Variants in SNX14 observed in about 807,000 individuals in gnomAD.
The protein encoded by SNX14 is sorting nexin 14.
SNX14 carries 93 observed loss-of-function variants against 133.8 expected under a neutral mutation model. The ratio of observed to expected loss-of-function variants is 0.70; its 90% confidence interval spans 0.59 to 0.83. The LOEUF (loss-of-function observed/expected upper bound fraction) is 0.83. Among genes scored for constraint, SNX14 ranks in the 40% least tolerant of loss-of-function variants. The pLI is 0.00. For synonymous variants in SNX14, 368 were observed against 365.6 expected (o/e 1.01, Z -0.07); for missense variants, 945 against 1,094.9 (o/e 0.86, Z 1.93).
In SNX14 at chr6:85,514,071, T is replaced by C. The variant is rs1319401576; in HGVS notation, c.2556A>G (p.Arg852=). 1.2e-6 allele frequency: 2 copies of C among 1,607,474 alleles called. No homozygotes were observed. The highest frequency in any genetic ancestry group is 8.5e-7 in the Non-Finnish European group (1 of 1,178,136). ...HRLVSLITLL[R]DAIFCENTEP... ...ACAAACACATTAGAAAATACAAACCTCTGAGAAGTGTTATGAGTGAGACCA... is the reference window on the plus strand; with the variant it reads ...ACAAACACATTAGAAAATACAAACCCCTGAGAAGTGTTATGAGTGAGACCA... The change falls in exon 25 of 29, where the codon AGA becomes AGG. Residue 852 remains arginine (R), a splice_region_variant and synonymous_variant. Transcript: ENST00000314673.
chr6:85,514,501 C>T lies in SNX14; in HGVS notation c.2392+5G>A. ...AAAACAAGTCTTAAACCACTTAGATCTTACCTACATACATCAGGTAATCAT... is the reference window on the plus strand; with the variant it reads ...AAAACAAGTCTTAAACCACTTAGATTTTACCTACATACATCAGGTAATCAT... On this transcript the variant is annotated splice_donor_5th_base_variant and intron_variant, in intron 24 of 28. Coordinates refer to ENST00000314673, the MANE Select transcript of SNX14 (RefSeq NM_153816.6). The T allele has an allele frequency of 6.2e-7, 1 of 1,612,024 alleles. No homozygotes were observed. Among genetic ancestry groups the T allele is most frequent in the Non-Finnish European group, 8.5e-7 (1 of 1,179,334 alleles).
At position 85,508,490 on chromosome 6, in the gene SNX14, C is replaced by T. The variant is rs760304188; in HGVS notation, c.2654-431G>A. Reference sequence around the variant, plus strand: ...GATTAACACCCAATGTAGGATAAGCCGACTTCTACCCAGTGGGCAGAAGAT... The same window carrying T: ...GATTAACACCCAATGTAGGATAAGCTGACTTCTACCCAGTGGGCAGAAGAT... On this transcript the variant is annotated intron_variant, in intron 26 of 28. Coordinates refer to ENST00000314673, the MANE Select transcript of SNX14 (RefSeq NM_153816.6). 17 of 582,006 alleles carry T rather than the reference C, an allele frequency of 2.9e-5. No homozygotes were observed. In the Admixed American group the frequency reaches 3.8e-4, roughly 13 times the overall value. The allele number at this position is 582,006 out of a possible 1,614,324, so 36.1% of individuals were successfully genotyped here. A position where few individuals can be genotyped will look rare whatever the true frequency, so the allele number is the denominator to read the frequency against.
At position 85,572,149 on chromosome 6, in the gene SNX14, T is replaced by A. The variant is rs767514109; in HGVS notation, c.405A>T (p.Ala135=). Residue 135 remains alanine, a synonymous_variant, in exon 4 of 29, where the codon GCA becomes GCT. Transcript: ENST00000314673. The part of the protein sequence containing the change: ...LDLKISSKVD[A]SLSEVLELVL... ...TTAAATCAGTTACCTCTGAGAGAGA[T>A]GCATCAACCTTGGAAGAAATTTTCA... is the stretch of plus-strand genomic sequence containing the variant. The A allele has an allele frequency of 1.2e-6, 2 of 1,613,034 alleles. No homozygotes were observed. The highest frequency in any genetic ancestry group is 1.7e-5 in the Admixed American group (1 of 59,982).
At chr6:85,538,781 A>T in intron 16 of SNX14, 57 bp downstream of exon 16, 1 of 1,485,642 alleles carries the variant, frequency 6.7e-7, no homozygotes, top group Non-Finnish European at 9.2e-7. Context: ...TAGGTTGTTC[A>T]CAATGTACTT....
chr6:85,566,048 A>G (rs763201663), intron 5 of SNX14, among the ~76,000 whole-genome samples: 4 of 152,248 alleles, frequency 2.6e-5, no homozygotes, highest in Admixed American at 6.5e-5. Flanking sequence ...TCTTGGCAGA[A>G]TAGGAAAGAT....
chr6:85,542,146 C>T, intron 14 of SNX14, 103 bp from the exon 15 acceptor site: 1 of 695,454 alleles, frequency 1.4e-6, no homozygotes. Flanking sequence ...AAAAAAAAAG[C>T]TATCTCAATC....
intron 23 of SNX14, among the ~76,000 whole-genome samples, chr6:85,514,925 A>C (rs1370171043): frequency 1.3e-5 from 2 of 152,180 alleles, no homozygotes; most frequent in African/African-American, 4.8e-5. Context: ...AAGCAAAGTA[A>C]CATAAAAAGA....
intron 1 of SNX14, among the ~76,000 whole-genome samples, chr6:85,590,698 C>G (rs1267876316): frequency 6.6e-6 from 1 of 152,216 alleles, no homozygotes; most frequent in African/African-American, 2.4e-5. Context: ...AATGACTTCA[C>G]TTGTTTTTGA....
intron 15 of SNX14, 61 bp from the exon 16 acceptor site, chr6:85,538,925 T>G: frequency 7.1e-7 from 1 of 1,401,908 alleles, no homozygotes. Flanking sequence ...CCAGATATTA[T>G]ATAAACTTCA....
intron 14 of SNX14, 120 bp downstream of exon 14, chr6:85,543,062 C>T (rs1328383559): frequency 2.9e-6 from 3 of 1,017,146 alleles, no homozygotes; most frequent in Admixed American, 6.1e-5. Flanking sequence ...GCAACTGTGC[C>T]CAGTAATCTT....
At chr6:85,526,273 G>A in intron 20 of SNX14, 36 bp from the exon 21 acceptor site, 1 of 1,305,798 alleles carries the variant, frequency 7.7e-7, no homozygotes, top group Non-Finnish European at 1.1e-6. Context: ...ACACAGTTTA[G>A]AAATCTAGAG....
chr6:85,544,018 TA>T (rs1313993451), intron 12 of SNX14, among the ~76,000 whole-genome samples: 2 of 152,150 alleles, frequency 1.3e-5, no homozygotes, highest in African/African-American at 4.8e-5. Context: ...TTCAAAACAC[TA>T]AACACACTTC....
chr6:85,549,720 T>C lies in SNX14; in HGVS notation c.791+3A>G. On this transcript the variant is annotated splice_donor_region_variant and intron_variant, in intron 8 of 28. Transcript: ENST00000314673. ...ACTATTATATTGTCTAGTCTTTTTATACCTGCAGTCTGTTGCTTTAGGAGG... is the reference window on the plus strand; with the variant it reads ...ACTATTATATTGTCTAGTCTTTTTACACCTGCAGTCTGTTGCTTTAGGAGG... 6.2e-7 allele frequency: 1 copy of C among 1,609,254 alleles called. No individual in the cohort carries two copies. The highest frequency in any genetic ancestry group is 8.5e-7 in the Non-Finnish European group (1 of 1,178,588).
chr6:85,510,120 G>A (rs1034205270), intron 26 of SNX14, among the ~76,000 whole-genome samples: 3 of 152,062 alleles, frequency 2.0e-5, no homozygotes, highest in Non-Finnish European at 4.4e-5. Context: ...CAGGTTTCTG[G>A]GTGGACATGT....
At chr6:85,588,370 G>A (rs530627572) in intron 1 of SNX14, among the ~76,000 whole-genome samples, 13 of 151,950 alleles carry the variant, frequency 8.6e-5, no homozygotes, top group African/African-American at 2.4e-4. Context: ...TCAGGAGACC[G>A]AGACCATCCT....
intron 15 of SNX14, among the ~76,000 whole-genome samples, chr6:85,540,537 G>A (rs745704271): frequency 3.3e-5 from 5 of 152,080 alleles, no homozygotes; most frequent in South Asian, 4.1e-4. Flanking sequence ...TAAGTTTCAC[G>A]GCTGTAACAT....
At chr6:85,556,743 A>T (rs935379560) in intron 7 of SNX14, among the ~76,000 whole-genome samples, 4 of 152,080 alleles carry the variant, frequency 2.6e-5, no homozygotes, top group Non-Finnish European at 5.9e-5. Flanking sequence ...ATGAGCCACC[A>T]TGCTCACCCT....
At chr6:85,541,429 A>G (rs977476612) in intron 15 of SNX14, among the ~76,000 whole-genome samples, 1 of 152,190 alleles carries the variant, frequency 6.6e-6, no homozygotes, top group African/African-American at 2.4e-5. Context: ...ATAAATCTAC[A>G]GAATAGATTT....
In SNX14 at chr6:85,593,772, G is replaced by C; in HGVS notation, c.-54C>G. On this transcript the variant is annotated 5_prime_UTR_variant, in exon 1 of 29. Coordinates refer to ENST00000314673, the MANE Select transcript of SNX14 (RefSeq NM_153816.6). ...TACTGGCTGAGGCAGAGGTCAAGGC[G>C]ACCCCCCATCCACACCTCGCGTCCC... The C allele has an allele frequency of 6.3e-7, 1 of 1,586,192 alleles. No homozygotes were observed. Among genetic ancestry groups the C allele is most frequent in the Non-Finnish European group, 8.6e-7 (1 of 1,169,336 alleles).
Sources: gnomAD v4.1 joint callset for allele counts (sites outside exome capture counted in the v4.1 genomes callset) on GRCh38, gnomAD v4.1.1 for gene constraint, MANE v1.5 for transcripts, NCBI Gene and HGNC (gene_info 2026-07-23, HGNC 2026-07-21) for gene names.